BMPR1B: variants seen among roughly 807,000 people sequenced by gnomAD.
BMPR1B encodes the protein bone morphogenetic protein receptor type-1B.
Under a neutral mutation model 59.1 loss-of-function variants are expected in BMPR1B, and 12 were observed. The ratio of observed to expected loss-of-function variants is 0.20; its 90% CI spans 0.13 to 0.33. The LOEUF is 0.33. Ranked by LOEUF, BMPR1B falls within the 10% of genes least tolerant of loss-of-function variation. BMPR1B has a pLI of 1.00. For missense variants in BMPR1B, 550 were observed against 610.9 expected, an observed-to-expected ratio of 0.90 and a Z score of 1.05; for synonymous variants, 237 against 207.3, an observed-to-expected ratio of 1.14 and a Z score of -1.23.
intron 3 of BMPR1B, among the ~76,000 whole-genome samples, chr4:95,079,008 C>T (rs543842200): frequency 6.6e-5 from 10 of 152,290 alleles, no homozygotes; most frequent in Admixed American, 5.2e-4. Context: ...ATCCACCTGC[C>T]TTAGCGTCCC....
chr4:94,890,269 G>A (rs1727338714), intron 2 of BMPR1B, among the ~76,000 whole-genome samples: 1 of 151,978 alleles, frequency 6.6e-6, no homozygotes, highest in Admixed American at 6.6e-5. Context: ...TTTTGTGTAG[G>A]GGAATGTCTG....
intron 6 of BMPR1B, among the ~76,000 whole-genome samples, chr4:95,116,108 G>A (rs1732011492): frequency 2.0e-5 from 3 of 152,106 alleles, no homozygotes; most frequent in Admixed American, 2.0e-4. Context: ...TTCAGAAGTT[G>A]TAGTTCACCC....
At chr4:95,082,293 C>T (rs144486704) in intron 3 of BMPR1B, among the ~76,000 whole-genome samples, 149 of 151,732 alleles carry the variant, frequency 9.8e-4, no homozygotes, top group African/African-American at 3.3e-3. Context: ...TTTTTAACAA[C>T]GTAAAAGGGT....
At chr4:95,049,257 G>A (rs189980053) in intron 3 of BMPR1B, among the ~76,000 whole-genome samples, 84 of 151,710 alleles carry the variant, frequency 5.5e-4, no homozygotes, top group African/African-American at 1.9e-3. Context: ...GGGAGTACAG[G>A]TGTGAACCAC....
chr4:95,063,011 A>G (rs1341570562), intron 3 of BMPR1B, among the ~76,000 whole-genome samples: 1 of 152,132 alleles, frequency 6.6e-6, no homozygotes. Context: ...TTATCTATTG[A>G]CATTTTATAA....
At chr4:94,952,657 G>T (rs891683423) in intron 2 of BMPR1B, among the ~76,000 whole-genome samples, 11 of 152,150 alleles carry the variant, frequency 7.2e-5, no homozygotes, top group African/African-American at 2.7e-4. Context: ...TTTTGCATTT[G>T]CTGAGGAGTG....
chr4:94,871,424 C>T, intron 1 of BMPR1B, among the ~76,000 whole-genome samples: 1 of 152,136 alleles, frequency 6.6e-6, no homozygotes, highest in East Asian at 1.9e-4. Context: ...TTTACACCTT[C>T]AAGATTGTTA....
At chr4:94,759,331 A>T (rs961802213) in intron 1 of BMPR1B, among the ~76,000 whole-genome samples, 9 of 152,260 alleles carry the variant, frequency 5.9e-5, no homozygotes, top group African/African-American at 2.2e-4. Flanking sequence ...ACTTACCTGC[A>T]GCAAAGCAGA....
chr4:95,036,887 G>T (rs1212790515), intron 3 of BMPR1B, among the ~76,000 whole-genome samples: 2 of 151,876 alleles, frequency 1.3e-5, no homozygotes, highest in Non-Finnish European at 2.9e-5. Context: ...ATTTGTTATT[G>T]CCTTAGACAC....
At chr4:94,931,028 C>A (rs571643960) in intron 2 of BMPR1B, among the ~76,000 whole-genome samples, 7 of 152,082 alleles carry the variant, frequency 4.6e-5, no homozygotes, top group African/African-American at 1.7e-4. Flanking sequence ...GCATGAGGAC[C>A]ATTGCTTAAT....
At chr4:95,033,844 C>T (rs1725049264) in intron 3 of BMPR1B, among the ~76,000 whole-genome samples, 1 of 152,102 alleles carries the variant, frequency 6.6e-6, no homozygotes, top group South Asian at 2.1e-4. Flanking sequence ...GAAAGACAGT[C>T]ACTCCCTCCC....
intron 3 of BMPR1B, among the ~76,000 whole-genome samples, chr4:94,997,334 G>A (rs944839154): frequency 3.9e-5 from 6 of 152,140 alleles, no homozygotes; most frequent in East Asian, 1.9e-4. Context: ...TAATACTCTG[G>A]CACAGATTTT....
At chr4:94,972,997 T>C (rs193263091) in intron 2 of BMPR1B, among the ~76,000 whole-genome samples, 144 of 152,218 alleles carry the variant, frequency 9.5e-4, no homozygotes, top group African/African-American at 3.2e-3. Context: ...CTCCATTTAC[T>C]TGGCTCACCA....
At chr4:95,111,587 A>G (rs373100333) in intron 4 of BMPR1B, among the ~76,000 whole-genome samples, 2 of 152,118 alleles carry the variant, frequency 1.3e-5, no homozygotes, top group Non-Finnish European at 1.5e-5. Context: ...ATTTTTGACC[A>G]TAATAAATGC....
At chr4:94,942,230 A>G (rs1306280214) in intron 2 of BMPR1B, among the ~76,000 whole-genome samples, 1 of 152,244 alleles carries the variant, frequency 6.6e-6, no homozygotes, top group African/African-American at 2.4e-5. Flanking sequence ...ATGAGGATTC[A>G]ATGAAAGACA....
chr4:94,974,238 T>A (rs912757353), intron 2 of BMPR1B, among the ~76,000 whole-genome samples: 6 of 152,228 alleles, frequency 3.9e-5, no homozygotes, highest in African/African-American at 1.4e-4. Flanking sequence ...TTATACGTGC[T>A]CTTTGTATTT....
At chr4:94,929,284 A>G (rs1000195561) in intron 2 of BMPR1B, among the ~76,000 whole-genome samples, 13 of 152,110 alleles carry the variant, frequency 8.5e-5, no homozygotes, top group Non-Finnish European at 2.9e-5. Flanking sequence ...GCAGTGGAGA[A>G]ACTAAACTAG....
At chr4:94,989,482 G>T (rs1351834238) in intron 2 of BMPR1B, among the ~76,000 whole-genome samples, 3 of 151,556 alleles carry the variant, frequency 2.0e-5, no homozygotes, top group African/African-American at 7.3e-5. Context: ...AAGCATTAAT[G>T]TAACAGGATT....
intron 1 of BMPR1B, among the ~76,000 whole-genome samples, chr4:94,796,090 G>A (rs1203806733): frequency 6.6e-6 from 1 of 151,688 alleles, no homozygotes; most frequent in Non-Finnish European, 1.5e-5. Flanking sequence ...TCAGCCTCCT[G>A]AGTAGCTGGG....
Sources: gnomAD v4.1 joint callset for allele counts (sites outside exome capture counted in the v4.1 genomes callset) on GRCh38, gnomAD v4.1.1 for gene constraint, MANE v1.5 for transcripts, NCBI Gene and HGNC (gene_info 2026-07-23, HGNC 2026-07-21) for gene names.